PTPRT: variants seen among roughly 807,000 people sequenced by gnomAD.
PTPRT encodes protein tyrosine phosphatase receptor type T, also known as receptor-type tyrosine-protein phosphatase T.
A neutral mutation model predicts 176.8 loss-of-function variants in PTPRT; 56 were observed. The observed-to-expected ratio is 0.32, with a 90% CI of 0.26 to 0.40. PTPRT has a LOEUF of 0.40. Ranked by LOEUF, PTPRT falls within the 10% of genes least tolerant of loss-of-function variation. The pLI is 1.00. For synonymous variants in PTPRT, 783 were observed against 739.0 expected, an observed-to-expected ratio of 1.06 and a Z score of -0.96; for missense variants, 1,540 against 1,908.2, an observed-to-expected ratio of 0.81 and a Z score of 3.60.
intron 1 of PTPRT, among the ~76,000 whole-genome samples, chr20:43,137,580 C>T (rs779963227): frequency 9.9e-5 from 15 of 152,206 alleles, no homozygotes; most frequent in Non-Finnish European, 1.9e-4. Flanking sequence ...CCAACTGAGC[C>T]TCTGGCTGTT....
intron 1 of PTPRT, among the ~76,000 whole-genome samples, chr20:43,134,920 T>C (rs1008329226): frequency 2.6e-5 from 4 of 152,190 alleles, no homozygotes; most frequent in Admixed American, 2.0e-4. Flanking sequence ...GACTATCCAA[T>C]GCCTTGTAGG....
chr20:42,655,642 T>C (rs2075112459), intron 7 of PTPRT, among the ~76,000 whole-genome samples: 1 of 152,094 alleles, frequency 6.6e-6, no homozygotes, highest in African/African-American at 2.4e-5. Flanking sequence ...AAGAAACAGA[T>C]CTAAAGGATA....
intron 1 of PTPRT, among the ~76,000 whole-genome samples, chr20:43,002,372 G>A (rs554982491): frequency 6.6e-6 from 1 of 152,032 alleles, no homozygotes; most frequent in Non-Finnish European, 1.5e-5. Context: ...TTAACGTAGG[G>A]GATCTGATTA....
At chr20:42,600,274 G>A (rs1208290626) in intron 7 of PTPRT, among the ~76,000 whole-genome samples, 1 of 151,908 alleles carries the variant, frequency 6.6e-6, no homozygotes, top group African/African-American at 2.4e-5. Flanking sequence ...TGAATAGCTG[G>A]GACTACAGGT....
intron 7 of PTPRT, among the ~76,000 whole-genome samples, chr20:42,622,269 T>G: frequency 1.3e-5 from 2 of 150,904 alleles, no homozygotes; most frequent in African/African-American, 4.9e-5. Context: ...TGAGACGGAG[T>G]CTCACTCTGC....
chr20:42,278,128 T>C (rs2057078248), intron 13 of PTPRT, among the ~76,000 whole-genome samples: 1 of 93,254 alleles, frequency 1.1e-5, no homozygotes, highest in South Asian at 3.6e-4. Context: ...TATATATATA[T>C]ATATATTTGC....
At chr20:42,483,890 G>C (rs1001288942) in intron 7 of PTPRT, among the ~76,000 whole-genome samples, 35 of 152,324 alleles carry the variant, frequency 2.3e-4, no homozygotes, top group Middle Eastern at 3.4e-3. Context: ...TGCCCATAGG[G>C]GGCGATAGAG....
intron 7 of PTPRT, among the ~76,000 whole-genome samples, chr20:42,635,451 T>C (rs974786112): frequency 7.2e-5 from 11 of 151,992 alleles, no homozygotes; most frequent in African/African-American, 2.4e-4. Context: ...ACCTGAAAAA[T>C]ATAATAGGCA....
intron 7 of PTPRT, among the ~76,000 whole-genome samples, chr20:42,583,912 A>AT (rs201158864): frequency 0.012 from 1,756 of 152,116 alleles, 33 homozygotes; most frequent in African/African-American, 0.032. Flanking sequence ...TGCTAAGTTT[A>AT]TTTCTCCCAC....
intron 7 of PTPRT, among the ~76,000 whole-genome samples, chr20:42,640,669 C>T (rs184992874): frequency 6.0e-4 from 91 of 152,116 alleles, no homozygotes; most frequent in African/African-American, 2.0e-3. Flanking sequence ...TGCCACCCAG[C>T]GAGAATCTTC....
chr20:42,979,512 G>A (rs745312070), intron 1 of PTPRT, among the ~76,000 whole-genome samples: 13 of 151,960 alleles, frequency 8.6e-5, no homozygotes, highest in Admixed American at 1.3e-4. Context: ...TCTACTGCAC[G>A]CTGTGCTGAT....
chr20:42,617,796 C>T (rs2074110882), intron 7 of PTPRT, among the ~76,000 whole-genome samples: 1 of 138,926 alleles, frequency 7.2e-6, no homozygotes, highest in Non-Finnish European at 1.5e-5. Context: ...TCCCCTTTAT[C>T]ATTTTTTATT....
intron 15 of PTPRT, among the ~76,000 whole-genome samples, chr20:42,211,548 G>T (rs985521372): frequency 5.3e-5 from 8 of 149,552 alleles, no homozygotes; most frequent in African/African-American, 2.0e-4. Context: ...ATGAAAAAAT[G>T]CTCACCATCA....
intron 6 of PTPRT, among the ~76,000 whole-genome samples, chr20:42,681,954 T>G (rs1398801682): frequency 6.6e-6 from 1 of 152,086 alleles, no homozygotes; most frequent in African/African-American, 2.4e-5. Context: ...ATGACCCCAC[T>G]TATGTGAAAA....
intron 17 of PTPRT, among the ~76,000 whole-genome samples, chr20:42,143,845 C>G (rs1988743486): frequency 6.6e-6 from 1 of 152,170 alleles, no homozygotes; most frequent in Non-Finnish European, 1.5e-5. Context: ...CCACTGTGGG[C>G]AACTGGGGCC....
chr20:42,107,834 G>T (rs1986611283), intron 23 of PTPRT, among the ~76,000 whole-genome samples: 1 of 152,188 alleles, frequency 6.6e-6, no homozygotes, highest in African/African-American at 2.4e-5. Flanking sequence ...AGCAATATTG[G>T]CTCATGGTAA....
At chr20:43,041,400 A>G (rs1312854894) in intron 1 of PTPRT, among the ~76,000 whole-genome samples, 2 of 152,252 alleles carry the variant, frequency 1.3e-5, no homozygotes, top group Non-Finnish European at 2.9e-5. Flanking sequence ...TGAAGGTGAC[A>G]ACAGAGCAGA....
chr20:42,224,172 A>AGT (rs1018633178), intron 15 of PTPRT, among the ~76,000 whole-genome samples: 1 of 152,198 alleles, frequency 6.6e-6, no homozygotes, highest in African/African-American at 2.4e-5. Context: ...AGAAGCATTG[A>AGT]GTCCCTTGAG....
chr20:42,360,639 T>A (rs1033039758), intron 9 of PTPRT, among the ~76,000 whole-genome samples: 1 of 152,248 alleles, frequency 6.6e-6, no homozygotes, highest in Non-Finnish European at 1.5e-5. Context: ...TTTCTGAACA[T>A]GAGCTGCTTG....
Sources: allele counts gnomAD v4.1 joint callset (sites outside exome capture counted in the v4.1 genomes callset), GRCh38; gene constraint gnomAD v4.1.1; transcripts MANE v1.5; gene names NCBI Gene and HGNC (gene_info 2026-07-23, HGNC 2026-07-21).